Variants in ITM2B observed in about 807,000 individuals in gnomAD.
The protein encoded by ITM2B is ABri/ADan amyloid peptide.
In ITM2B, 11 loss-of-function variants were observed where a neutral mutation model predicts 27.8. That is an observed-to-expected ratio of 0.40 (90% CI 0.25 to 0.66). The LOEUF is 0.66. Among genes scored for constraint, ITM2B ranks in the 30% least tolerant of loss-of-function variants. The pLI is 0.43. For synonymous variants in ITM2B, 114 were observed against 114.3 expected (o/e 1.00, Z 0.02); for missense variants, 296 against 328.9 (o/e 0.90, Z 0.77).
In ITM2B at chr13:48,267,598, G is replaced by A. The variant is rs140919645; in HGVS notation, c.*6374G>A. The A allele has an allele frequency of 4.8e-4, 73 of 152,276 alleles. No individual in the cohort carries two copies. The highest frequency in any genetic ancestry group is 1.7e-3 in the African/African-American group (71 of 41,566). 9.4% of individuals were successfully genotyped at this position (152,276 alleles called of 1,614,324 possible). ...TCTTGACTTTTGTTGAGGATTGATA[G>A]AAATAAAAATGAGCCAGAAATGTTT... On this transcript the variant is annotated 3_prime_UTR_variant, in exon 6 of 6. Transcript: ENST00000647800.
intron 1 of ITM2B, among the ~76,000 whole-genome samples, chr13:48,247,857 T>C (rs1025770100): frequency 6.6e-6 from 1 of 152,202 alleles, no homozygotes; most frequent in Non-Finnish European, 1.5e-5. Flanking sequence ...TAGGCCAGCG[T>C]GTGCTGCAGT....
rs1414204359 is a variant in ITM2B at position 48,258,786 on chromosome 13, T to C, written c.565-11T>C. 3.1e-6 allele frequency: 5 copies of C among 1,612,444 alleles called. No individual in the cohort carries two copies. The highest frequency in any genetic ancestry group is 3.4e-6 in the Non-Finnish European group (4 of 1,178,630). On this transcript the variant is annotated splice_polypyrimidine_tract_variant and intron_variant, in intron 4 of 5. Transcript: ENST00000647800. ...GAGATAGTCATGTCATGTATTCTTT[T>C]CTGAATGTAGGCTGGAACCTATTTG...
intron 5 of ITM2B, among the ~76,000 whole-genome samples, chr13:48,260,179 C>A (rs1300856546): frequency 6.6e-6 from 1 of 152,166 alleles, no homozygotes; most frequent in Non-Finnish European, 1.5e-5. Flanking sequence ...GACATGAACT[C>A]ATCCTTTTTT....
intron 1 of ITM2B, among the ~76,000 whole-genome samples, chr13:48,234,003 T>C (rs1167265011): frequency 6.6e-6 from 1 of 152,152 alleles, no homozygotes; most frequent in Non-Finnish European, 1.5e-5. Context: ...TACCTCCTTT[T>C]TCCACGGCCC....
intron 2 of ITM2B, among the ~76,000 whole-genome samples, chr13:48,255,366 A>G (rs1951780478): frequency 6.6e-6 from 1 of 151,996 alleles, no homozygotes. Context: ...ATCACAGCTC[A>G]CTGTAGCCTC....
rs1195060019 is a variant in ITM2B at position 48,268,209 on chromosome 13, G to T, written c.*6985G>T. On this transcript the variant is annotated 3_prime_UTR_variant, in exon 6 of 6. Transcript: ENST00000647800. ...TAACGTTTTGACATTTGTCCATGTT[G>T]TTGCATGACTCAGCAGTTCTTTCTT... 1.3e-5 allele frequency: 2 copies of T among 151,946 alleles called. No individual in the cohort carries two copies. Among genetic ancestry groups the T allele is most frequent in the South Asian group, 4.1e-4 (2 of 4,826 alleles). The allele number at this position is 151,946 out of a possible 1,614,324, so 9.4% of individuals were successfully genotyped here.
At chr13:48,260,184 T>G (rs926129340) in intron 5 of ITM2B, among the ~76,000 whole-genome samples, 1 of 152,216 alleles carries the variant, frequency 6.6e-6, no homozygotes, top group Non-Finnish European at 1.5e-5. Flanking sequence ...GAACTCATCC[T>G]TTTTTATGGC....
At chr13:48,252,758 C>T (rs1951762400) in intron 1 of ITM2B, among the ~76,000 whole-genome samples, 1 of 152,160 alleles carries the variant, frequency 6.6e-6, no homozygotes, top group Admixed American at 6.5e-5. Context: ...GTGGGTTTTC[C>T]AAGTAAAGGA....
At chr13:48,245,589 G>A (rs1487998643) in intron 1 of ITM2B, among the ~76,000 whole-genome samples, 1 of 150,802 alleles carries the variant, frequency 6.6e-6, no homozygotes, top group African/African-American at 2.4e-5. Flanking sequence ...ACCTAAAACT[G>A]TGCTAGTTTT....
rs534709822 is a variant in ITM2B at position 48,264,324 on chromosome 13, A to G, written c.*3100A>G. The G allele has an allele frequency of 1.3e-5, 2 of 152,194 alleles. No homozygotes were observed. Among genetic ancestry groups the G allele is most frequent in the African/African-American group, 2.4e-5 (1 of 41,522 alleles). 9.4% of individuals were successfully genotyped at this position (152,194 alleles called of 1,614,324 possible). A position where few individuals can be genotyped will look rare whatever the true frequency, so the allele number is the denominator to read the frequency against. On this transcript the variant is annotated 3_prime_UTR_variant, in exon 6 of 6. Transcript: ENST00000647800. ...GTATCCCTTTTTAGATTCCACACCC[A>G]TATTAGTGAGAAGCAAGAAAAAAAA...
At chr13:48,233,579 C>T in intron 1 of ITM2B, 102 bp downstream of exon 1, 1 of 674,700 alleles carries the variant, frequency 1.5e-6, no homozygotes, top group Non-Finnish European at 2.3e-6. Context: ...GCGCGGGGCT[C>T]GCGCCGCGGG....
intron 2 of ITM2B, among the ~76,000 whole-genome samples, chr13:48,255,136 A>G (rs1407691929): frequency 6.6e-6 from 1 of 151,876 alleles, no homozygotes; most frequent in Non-Finnish European, 1.5e-5. Context: ...TTGGCCTCCC[A>G]AAGTGCTAGG....
intron 1 of ITM2B, among the ~76,000 whole-genome samples, chr13:48,237,189 T>C (rs1951673291): frequency 6.6e-6 from 1 of 152,182 alleles, no homozygotes; most frequent in Non-Finnish European, 1.5e-5. Flanking sequence ...ATAATGTTGA[T>C]ATAATGCTCT....
chr13:48,242,688 G>A (rs1215188393), intron 1 of ITM2B, among the ~76,000 whole-genome samples: 1 of 152,068 alleles, frequency 6.6e-6, no homozygotes, highest in African/African-American at 2.4e-5. Flanking sequence ...TGATGGCATT[G>A]CTCCATTATC....
chr13:48,233,265 C>G lies in ITM2B; in HGVS notation c.-96C>G. ...CCTCTTCAGCCGCCCGGAGCCGCTC[C>G]CGGAGCCCGGCCGTAGAGGCTGCAA... On this transcript the variant is annotated 5_prime_UTR_variant, in exon 1 of 6. Transcript: ENST00000647800. 1.4e-6 allele frequency: 1 copy of G among 732,900 alleles called. No individual in the cohort carries two copies. 45.4% of individuals were successfully genotyped at this position (732,900 alleles called of 1,614,324 possible).
At chr13:48,259,208 C>T (rs747486986) in intron 5 of ITM2B, among the ~76,000 whole-genome samples, 4 of 152,182 alleles carry the variant, frequency 2.6e-5, no homozygotes, top group Non-Finnish European at 5.9e-5. Flanking sequence ...GTTAGTCACC[C>T]TGTCCAACTT....
At chr13:48,236,058 T>A (rs1347441301) in intron 1 of ITM2B, among the ~76,000 whole-genome samples, 2 of 152,192 alleles carry the variant, frequency 1.3e-5, no homozygotes, top group Admixed American at 6.5e-5. Context: ...ATTACCCCAT[T>A]TTTCAGTCTT....
Position 48,233,465 on chromosome 13 carries a change from G to T in ITM2B, c.105G>T (p.Ala35=), listed in dbSNP as rs761013044. Residue 35 remains alanine (A), a synonymous_variant, in exon 1 of 6, where the codon GCG becomes GCT. Coordinates refer to ENST00000647800, the MANE Select transcript of ITM2B (RefSeq NM_021999.5). ...TCATCATCCCCCCCGACGCCGTCGC[G>T]GTGGACTGCAAGGTCCGAGCCCGGG... ...EALIIPPDAV[A]VDCKDPDDVV... is the part of the protein sequence containing the mutation. The T allele has an allele frequency of 1.2e-5, 18 of 1,532,334 alleles. No homozygotes were observed. Among genetic ancestry groups the T allele is most frequent in the Non-Finnish European group, 1.4e-5 (16 of 1,140,652 alleles). 94.9% of individuals were successfully genotyped at this position (1,532,334 alleles called of 1,614,324 possible).
intron 1 of ITM2B, among the ~76,000 whole-genome samples, chr13:48,252,829 A>G (rs1317199424): frequency 6.6e-6 from 1 of 152,120 alleles, no homozygotes; most frequent in Non-Finnish European, 1.5e-5. Flanking sequence ...AGTCTTTACT[A>G]TTTATTGAGT....
Sources: allele counts gnomAD v4.1 joint callset (sites outside exome capture counted in the v4.1 genomes callset), GRCh38; gene constraint gnomAD v4.1.1; transcripts MANE v1.5; gene names NCBI Gene and HGNC (gene_info 2026-07-23, HGNC 2026-07-21).